OTOG: variants seen among roughly 807,000 people sequenced by gnomAD.
The protein encoded by OTOG is otogelin.
Under a neutral mutation model 313.8 loss-of-function variants are expected in OTOG, and 296 were observed. That is an observed-to-expected ratio of 0.94 (90% CI 0.86 to 1.04). OTOG has a LOEUF of 1.04. Among genes scored for constraint, OTOG ranks in the 50% least tolerant of loss-of-function variants. The pLI, the probability that OTOG is intolerant of heterozygous loss-of-function variation, is 0.00. For synonymous variants in OTOG, 1,533 were observed against 1,554.9 expected (o/e 0.99, Z 0.33); for missense variants, 3,948 against 3,840.1 (o/e 1.03, Z -0.74).
intron 47 of OTOG, among the ~76,000 whole-genome samples, chr11:17,636,196 G>T (rs1413523520): frequency 1.3e-5 from 2 of 152,088 alleles, no homozygotes; most frequent in Non-Finnish European, 2.9e-5. Flanking sequence ...ATAGGGCCTG[G>T]TACCTGTATG....
rs893977038 is a variant in OTOG, at chr11:17,612,016, G to C, written c.6124-146G>C. 6 of 965,732 alleles carry C rather than the reference G, an allele frequency of 6.2e-6. No individual in the cohort carries two copies. In the Admixed American group the frequency reaches 8.9e-5, roughly 14 times the overall value. 59.8% of individuals were successfully genotyped at this position (965,732 alleles called of 1,614,324 possible). ...ATCGCCAGGCCCCACATGGCTTGTG[G>C]TGGGTAGGGGGTGAGGGCCTCTTTC... On this transcript the variant is annotated intron_variant, in intron 36 of 55. Coordinates refer to ENST00000399397, the MANE Select transcript of OTOG (RefSeq NM_001292063.2).
At chr11:17,628,507 G>A (rs1241788437) in intron 39 of OTOG, among the ~76,000 whole-genome samples, 3 of 152,124 alleles carry the variant, frequency 2.0e-5, no homozygotes, top group Admixed American at 6.5e-5. Flanking sequence ...TGAATTTAAA[G>A]TGTTTGTGAG....
chr11:17,603,098 G>T (rs1035611341), intron 32 of OTOG, among the ~76,000 whole-genome samples: 7 of 152,284 alleles, frequency 4.6e-5, no homozygotes, highest in Admixed American at 4.6e-4. Flanking sequence ...GGGAAGGGAC[G>T]TCCTGGCTCC....
chr11:17,634,080 A>G lies in OTOG; in HGVS notation c.7279A>G (p.Ser2427Gly). 1 of 1,545,890 alleles carries G rather than the reference A, an allele frequency of 6.5e-7. No homozygotes were observed. ...ATTCCCCTCTGCAGCCTGCACTGAC[A>G]GCATGGGGGTGCCGAGGGCCCTGGG... is the stretch of plus-strand genomic sequence containing the variant. ...IPEAKCACTD[S>G]MGVPRALGET... The change falls in exon 44 of 56, where the codon AGC becomes GGC. Residue 2427 changes from serine to glycine, a missense_variant. Ser to Gly is a moderately conservative substitution (Grantham distance 56). Transcript: ENST00000399397.
rs992517800 is a variant in OTOG, at chr11:17,613,642, G to C, written c.6469G>C (p.Val2157Leu). The change falls in exon 39 of 56, where the codon GTG becomes CTG. Residue 2157 changes from valine to leucine, a missense_variant. Val to Leu is a conservative substitution (Grantham distance 32). Coordinates refer to ENST00000399397, the MANE Select transcript of OTOG (RefSeq NM_001292063.2). ...GHLNWPPFCLVMLNMTHLAHQ... is the reference protein window; with the variant it reads ...GHLNWPPFCLLMLNMTHLAHQ... ...CCTGAACTGGCCCCCGTTCTGTCTG[G>C]TGATGTTGAACATGACTCACTTGGC... 4 of 1,550,748 alleles carry C rather than the reference G, an allele frequency of 2.6e-6. No homozygotes were observed. In the South Asian group the frequency reaches 4.8e-5, roughly 18 times the overall value.
intron 38 of OTOG, among the ~76,000 whole-genome samples, chr11:17,613,248 T>TTTCC (rs1853630782): frequency 7.1e-6 from 1 of 140,848 alleles, no homozygotes; most frequent in Non-Finnish European, 1.5e-5. Context: ...TCTTTCTTTC[T>TTTCC]TTCTTTCTTT....
Position 17,612,648 on chromosome 11 carries a change from C to G in OTOG, c.6321C>G (p.Ser2107Arg), listed in dbSNP as rs538542068. 3.2e-6 allele frequency: 5 copies of G among 1,550,608 alleles called. No individual in the cohort carries two copies. In the Admixed American group the frequency reaches 5.9e-5, roughly 18 times the overall value. ...ACRCSIFPDL[S>R]FVTFDGSHVA... is the part of the protein sequence containing the mutation. Reference sequence around the variant, plus strand: ...GGTGCTCAATCTTCCCTGACCTGAGCTTCGTGACCTTCGATGGGAGCCACG... The same window carrying G: ...GGTGCTCAATCTTCCCTGACCTGAGGTTCGTGACCTTCGATGGGAGCCACG... Residue 2107 changes from serine (S) to arginine (R), a missense_variant, in exon 38 of 56, where the codon AGC (serine) becomes AGG (arginine). Physicochemically the swap from Ser to Arg is moderately radical, Grantham distance 110. Transcript: ENST00000399397.
intron 1 of OTOG, 64 bp from the exon 2 acceptor site, chr11:17,547,863 C>T (rs1358556328): frequency 2.3e-6 from 1 of 444,220 alleles, no homozygotes; most frequent in East Asian, 3.4e-5. Context: ...CAGTGGGGGC[C>T]AGGTGGTGGG....
intron 33 of OTOG, among the ~76,000 whole-genome samples, chr11:17,607,914 C>T (rs539016478): frequency 7.2e-4 from 109 of 152,282 alleles, no homozygotes; most frequent in Non-Finnish European, 1.4e-3. Flanking sequence ...CAAGCCTGAG[C>T]ACCAGGGTCC....
chr11:17,591,661 A>G, intron 25 of OTOG, 73 bp downstream of exon 25: 1 of 1,512,766 alleles, frequency 6.6e-7, no homozygotes, highest in Admixed American at 2.0e-5. Flanking sequence ...TCTGGACTCC[A>G]GTTTGATGCA....
At chr11:17,633,923 C>T in intron 43 of OTOG, 49 bp downstream of exon 43, 2 of 1,491,840 alleles carry the variant, frequency 1.3e-6, no homozygotes, top group Non-Finnish European at 1.8e-6. Context: ...CCAGCCTCAG[C>T]CTCGCCTCCT....
At chr11:17,625,510 G>T (rs1853961892) in intron 39 of OTOG, among the ~76,000 whole-genome samples, 1 of 152,172 alleles carries the variant, frequency 6.6e-6, no homozygotes, top group African/African-American at 2.4e-5. Context: ...AAGCCTACTT[G>T]ATCGTGGTGA....
chr11:17,574,930 A>G lies in OTOG; in HGVS notation c.2486+18A>G. On this transcript the variant is annotated intron_variant, in intron 20 of 55. Coordinates refer to ENST00000399397, the MANE Select transcript of OTOG (RefSeq NM_001292063.2). The stretch of plus-strand genomic sequence containing the variant: ...GTCCCCCGGTGAGTGGGTCAGCTTG[A>G]TCTCTGAGTTGGGTGGGAAGGTGAG... 1 of 1,475,554 alleles carries G rather than the reference A, an allele frequency of 6.8e-7. No homozygotes were observed. Among genetic ancestry groups the G allele is most frequent in the South Asian group, 1.4e-5 (1 of 72,788 alleles). 91.4% of individuals were successfully genotyped at this position (1,475,554 alleles called of 1,614,324 possible). A position where few individuals can be genotyped will look rare whatever the true frequency, so the allele number is the denominator to read the frequency against.
At chr11:17,605,551 T>C (rs556587184) in intron 32 of OTOG, among the ~76,000 whole-genome samples, 1 of 152,264 alleles carries the variant, frequency 6.6e-6, no homozygotes, top group South Asian at 2.1e-4. Flanking sequence ...CAAACATGTT[T>C]GCAGAAGGAG....
In OTOG at chr11:17,594,162, T is replaced by G; in HGVS notation, c.3404T>G (p.Val1135Gly). Residue 1135 changes from valine to glycine, a missense_variant, in exon 28 of 56, where the codon GTT (valine) becomes GGT (glycine). Val to Gly is a moderately radical substitution (Grantham distance 109, BLOSUM62 -3). Coordinates refer to ENST00000399397, the MANE Select transcript of OTOG (RefSeq NM_001292063.2). ...GAGTTTGGCAGCAGTTGGGCTGCAG[T>G]TGAGGTAAAGCCTCTCTTCCAGGCT... ...PQEFGSSWAA[V>G]ECPDTLDPRD... The G allele has an allele frequency of 6.4e-7, 1 of 1,550,570 alleles. No individual in the cohort carries two copies. Among genetic ancestry groups the G allele is most frequent in the Non-Finnish European group, 8.7e-7 (1 of 1,146,972 alleles).
At chr11:17,552,553 A>C (rs1340526086) in intron 4 of OTOG, among the ~76,000 whole-genome samples, 11 of 112,734 alleles carry the variant, frequency 9.8e-5, no homozygotes, top group Admixed American at 2.0e-4. Flanking sequence ...TGTGTCCCCC[A>C]CCTGTCCTGT....
intron 6 of OTOG, among the ~76,000 whole-genome samples, chr11:17,555,207 A>ATGTGTGTG (rs57148062): frequency 0.012 from 1,704 of 141,214 alleles, 41 homozygotes; most frequent in South Asian, 0.096. Flanking sequence ...GGGGGCAGAG[A>ATGTGTGTG]TGTGTGTGTG....
In OTOG at chr11:17,635,603, C is replaced by G. The variant is rs1854245833; in HGVS notation, c.7694-7C>G. The G allele has an allele frequency of 1.9e-6, 3 of 1,548,654 alleles. No individual in the cohort carries two copies. Among genetic ancestry groups the G allele is most frequent in the Non-Finnish European group, 2.6e-6 (3 of 1,145,294 alleles). ...GCTGTGACAGCATTGACCCTCTTCC[C>G]CCTCAGCCTGTGGTGACTGTCCAGA... On this transcript the variant is annotated splice_polypyrimidine_tract_variant and splice_region_variant and intron_variant, in intron 46 of 55. Transcript: ENST00000399397.
In OTOG at chr11:17,610,297, C is replaced by A; in HGVS notation, c.4997C>A (p.Ala1666Asp). ...RSPTSSGSHK[A>D]VLTPAVTKVI... ...CCCACCTCCTCGGGATCCCACAAGG[C>A]TGTGCTGACACCTGCAGTAACTAAG... Residue 1666 changes from alanine to aspartate, a missense_variant, in exon 36 of 56, where the codon GCT becomes GAT. By Grantham distance (126) the Ala-to-Asp change is moderately radical (BLOSUM62 -2). Coordinates refer to ENST00000399397, the MANE Select transcript of OTOG (RefSeq NM_001292063.2). 1.3e-6 allele frequency: 2 copies of A among 1,550,758 alleles called. No homozygotes were observed. The highest frequency in any genetic ancestry group is 1.7e-6 in the Non-Finnish European group (2 of 1,147,008).
Sources: gnomAD v4.1 joint callset for allele counts (sites outside exome capture counted in the v4.1 genomes callset) on GRCh38, gnomAD v4.1.1 for gene constraint, MANE v1.5 for transcripts, NCBI Gene and HGNC (gene_info 2026-07-23, HGNC 2026-07-21) for gene names.